The following MERTK variants were observed in gnomAD, a reference collection of about 807,000 sequenced individuals.
The protein encoded by MERTK is tyrosine-protein kinase Mer.
In MERTK, 69 loss-of-function variants were observed where a neutral mutation model predicts 99.3. That is an observed-to-expected ratio of 0.70 (90% confidence interval 0.57 to 0.85). The LOEUF (loss-of-function observed/expected upper bound fraction) is 0.85, where lower values mean the gene tolerates loss of function less well. Ranked by LOEUF, MERTK falls within the 40% of genes least tolerant of loss-of-function variation. MERTK has a pLI of 0.00. For missense variants in MERTK, 1,125 were observed against 1,249.4 expected (o/e 0.90, Z 1.50); for synonymous variants, 426 against 467.6 (o/e 0.91, Z 1.15).
At chr2:111,916,219 C>T (rs72938433) in intron 1 of MERTK, among the ~76,000 whole-genome samples, 5,414 of 152,178 alleles carry the variant, frequency 0.036, 311 homozygotes, top group African/African-American at 0.12. Context: ...CTCCGCCTCC[C>T]GGGTTCAAGC....
At chr2:111,987,732 C>T (rs936167700) in intron 8 of MERTK, among the ~76,000 whole-genome samples, 1 of 152,198 alleles carries the variant, frequency 6.6e-6, no homozygotes, top group African/African-American at 2.4e-5. Context: ...ATTATACCAC[C>T]TTGAAGGCCC....
chr2:111,957,515 C>A (rs528899661), intron 4 of MERTK, among the ~76,000 whole-genome samples: 1 of 152,258 alleles, frequency 6.6e-6, no homozygotes, highest in African/African-American at 2.4e-5. Flanking sequence ...CCCATCCTGA[C>A]CCTCTGATCG....
rs757911621 is a variant in MERTK at position 112,028,901 on chromosome 2, A to G, written c.*37A>G. The G allele has an allele frequency of 3.1e-6, 5 of 1,613,204 alleles. No homozygotes were observed. Among genetic ancestry groups the G allele is most frequent in the South Asian group, 2.2e-5 (2 of 91,052 alleles). The stretch of plus-strand genomic sequence containing the variant: ...GGGAGACATTCCAAAAATCAAGCCA[A>G]TTCTTCTGCTGTAGGAGAATCCAAT... On this transcript the variant is annotated 3_prime_UTR_variant, in exon 19 of 19. Transcript: ENST00000295408.
chr2:111,997,195 G>A (rs1389194944), intron 9 of MERTK, 128 bp from the exon 10 acceptor site: 1 of 1,103,370 alleles, frequency 9.1e-7, no homozygotes, highest in Non-Finnish European at 1.4e-6. Flanking sequence ...AGTGAGACCT[G>A]CCTATATTTG....
chr2:112,020,825 T>G (rs1260399405), intron 16 of MERTK, among the ~76,000 whole-genome samples: 1 of 152,066 alleles, frequency 6.6e-6, no homozygotes, highest in Non-Finnish European at 1.5e-5. Flanking sequence ...CTCCATGTTC[T>G]CCAGCTGTTT....
At chr2:112,012,995 T>A (rs184058171) in intron 15 of MERTK, among the ~76,000 whole-genome samples, 1 of 152,322 alleles carries the variant, frequency 6.6e-6, no homozygotes, top group Non-Finnish European at 1.5e-5. Context: ...ATCTTACGCC[T>A]GTGTGTGATG....
intron 1 of MERTK, among the ~76,000 whole-genome samples, chr2:111,912,243 A>G (rs1684264268): frequency 6.6e-6 from 1 of 151,610 alleles, no homozygotes; most frequent in Non-Finnish European, 1.5e-5. Context: ...TCCTGACCTC[A>G]TGATTTGCCC....
At chr2:111,901,796 CT>C (rs1684049307) in intron 1 of MERTK, among the ~76,000 whole-genome samples, 1 of 152,066 alleles carries the variant, frequency 6.6e-6, no homozygotes, top group Non-Finnish European at 1.5e-5. Context: ...CTCAAGCGAT[CT>C]TCCCACCTTA....
chr2:111,910,610 G>GTGTGTGTATATATATA (rs370882764), intron 1 of MERTK, among the ~76,000 whole-genome samples: 7 of 143,664 alleles, frequency 4.9e-5, no homozygotes, highest in Admixed American at 2.8e-4. Flanking sequence ...GTGTGTGTGT[G>GTGTGTGTATATATATA]TATATATATA....
chr2:112,022,278 G>C lies in MERTK; in HGVS notation c.2370G>C (p.Met790Ile). Residue 790 changes from methionine to isoleucine, a missense_variant, in exon 18 of 19, where the codon ATG becomes ATC. By Grantham distance (10) the Met-to-Ile change is conservative. Coordinates refer to ENST00000295408, the MANE Select transcript of MERTK (RefSeq NM_006343.3). ...KSDVWAFGVT[M>I]WEIATRGMTP... is the part of the protein sequence containing the mutation. ...CCCAGTGGGCATTTGGCGTGACCATGTGGGAAATAGCTACGCGGGGAATGA... is the reference window on the plus strand; with the variant it reads ...CCCAGTGGGCATTTGGCGTGACCATCTGGGAAATAGCTACGCGGGGAATGA... 1.2e-6 allele frequency: 2 copies of C among 1,614,240 alleles called. No homozygotes were observed. Among genetic ancestry groups the C allele is most frequent in the Non-Finnish European group, 1.7e-6 (2 of 1,180,040 alleles).
At chr2:111,992,287 G>A (rs1286205157) in intron 8 of MERTK, among the ~76,000 whole-genome samples, 1 of 152,100 alleles carries the variant, frequency 6.6e-6, no homozygotes, top group East Asian at 1.9e-4. Context: ...CCTATCCAAT[G>A]GAGCCTCCAT....
In MERTK at chr2:111,944,969, T is replaced by C; in HGVS notation, c.492T>C (p.Ser164=). The C allele has an allele frequency of 6.2e-7, 1 of 1,613,220 alleles. No individual in the cohort carries two copies. The highest frequency in any genetic ancestry group is 8.5e-7 in the Non-Finnish European group (1 of 1,179,470). Residue 164 remains serine (S), a synonymous_variant, in exon 3 of 19, where the codon AGT becomes AGC. Transcript: ENST00000295408. ...TAIIASFSIT[S]VQRSDNGSYI... ...GTGTTTTTCTTTGCAGCATAACCAG[T>C]GTGCAGCGTTCAGACAATGGGTCGT...
At chr2:111,911,725 T>C (rs1185518756) in intron 1 of MERTK, among the ~76,000 whole-genome samples, 1 of 130,752 alleles carries the variant, frequency 7.6e-6, no homozygotes, top group Non-Finnish European at 1.6e-5. Context: ...TTGAGTTGGC[T>C]GTTGCCCAGG....
At chr2:112,025,986 T>C (rs1216442046) in intron 18 of MERTK, among the ~76,000 whole-genome samples, 2 of 152,192 alleles carry the variant, frequency 1.3e-5, no homozygotes, top group East Asian at 3.8e-4. Context: ...TGGCAACCTA[T>C]ATGATCACAT....
intron 2 of MERTK, among the ~76,000 whole-genome samples, chr2:111,942,487 T>G (rs933794128): frequency 6.6e-6 from 1 of 152,150 alleles, no homozygotes; most frequent in African/African-American, 2.4e-5. Flanking sequence ...CACCATGATA[T>G]CCAGGGGGCT....
intron 4 of MERTK, among the ~76,000 whole-genome samples, chr2:111,963,551 AGTGGTGATGACTCTTAACGAGCAT>A (rs1685297571): frequency 6.6e-6 from 1 of 151,066 alleles, no homozygotes; most frequent in Non-Finnish European, 1.5e-5. Context: ...GAGATTAGGG[AGTGGTGATGACTCTTAACGAGCAT>A]GCTGCCTTCA....
At chr2:111,942,969 G>C (rs1224102437) in intron 2 of MERTK, among the ~76,000 whole-genome samples, 1 of 152,152 alleles carries the variant, frequency 6.6e-6, no homozygotes, top group Non-Finnish European at 1.5e-5. Context: ...AAAATGTTTA[G>C]TGTTCAGAAA....
intron 5 of MERTK, among the ~76,000 whole-genome samples, chr2:111,967,651 C>G (rs908122114): frequency 6.6e-6 from 1 of 152,122 alleles, no homozygotes; most frequent in Non-Finnish European, 1.5e-5. Context: ...CACATGCACA[C>G]TCATGCGTGC....
chr2:111,934,002 T>C (rs1453573883), intron 2 of MERTK, among the ~76,000 whole-genome samples: 1 of 152,012 alleles, frequency 6.6e-6, no homozygotes, highest in Non-Finnish European at 1.5e-5. Context: ...GTTAGTTTGC[T>C]GAGAATGACG....
Sources: gnomAD v4.1 joint callset for allele counts (sites outside exome capture counted in the v4.1 genomes callset) on GRCh38, gnomAD v4.1.1 for gene constraint, MANE v1.5 for transcripts, NCBI Gene and HGNC (gene_info 2026-07-23, HGNC 2026-07-21) for gene names.